COL16A1: variants seen among roughly 807,000 people sequenced by gnomAD.
COL16A1 encodes the protein collagen type XVI alpha 1 chain, also known as collagen alpha-1(XVI) chain.
In COL16A1, 189 loss-of-function variants were observed where a neutral mutation model predicts 266.3. The observed-to-expected ratio is 0.71, with a 90% confidence interval of 0.63 to 0.80. The LOEUF (loss-of-function observed/expected upper bound fraction) is 0.80, where lower values mean the gene tolerates loss of function less well. COL16A1 is among the 30% of genes least tolerant of loss of function. The probability of loss-of-function intolerance (pLI) is 0.00; values close to 1 mark genes in which losing one functional copy is unlikely to be tolerated. For synonymous variants in COL16A1, 740 were observed against 782.3 expected, an observed-to-expected ratio of 0.95 and a Z score of 0.90; for missense variants, 1,928 against 2,122.4, an observed-to-expected ratio of 0.91 and a Z score of 1.80.
Position 31,697,275 on chromosome 1 carries a change from T to G in COL16A1, c.683A>C (p.Tyr228Ser). The stretch of plus-strand genomic sequence containing the variant: ...CTCCAGCACGAGCTCCGGGTCACAG[T>G]AGATGTGCACCTGCTGAAGGTCAAA... ...VSFDLQQVHI[Y>S]CDPELVLEEG... is the part of the protein sequence containing the mutation. The change falls in exon 7 of 71, where the codon TAC becomes TCC. Residue 228 changes from tyrosine (Y) to serine (S), a missense_variant. This residue lies in a region of COL16A1 where 1,552 missense variants were observed against 1,637.2 expected (regional missense o/e 0.95). Coordinates refer to ENST00000373672, the MANE Select transcript of COL16A1 (RefSeq NM_001856.4). This position sits in a 1 kb window ranked among gnomAD's most constrained non-coding sequence, Gnocchi z 4.2. 1 of 1,611,698 alleles carries G rather than the reference T, an allele frequency of 6.2e-7. No homozygotes were observed. Among genetic ancestry groups the G allele is most frequent in the Non-Finnish European group, 8.5e-7 (1 of 1,178,942 alleles).
chr1:31,666,234 C>T (rs1208666091), intron 52 of COL16A1, 153 bp from the exon 53 acceptor site: 1 of 800,542 alleles, frequency 1.2e-6, no homozygotes, highest in Admixed American at 3.0e-5. Context: ...GCTCAGGCTT[C>T]CCTGCTCTTG....
At chr1:31,665,415 G>T (rs955046314) in intron 55 of COL16A1, 168 bp downstream of exon 55, 44 of 1,424,788 alleles carry the variant, frequency 3.1e-5, no homozygotes, top group Non-Finnish European at 4.1e-5. Context: ...AAGAGGCTGG[G>T]CTCTCCAGGT....
At chr1:31,680,376 C>T (rs1371615997) in intron 39 of COL16A1, among the ~76,000 whole-genome samples, 1 of 152,214 alleles carries the variant, frequency 6.6e-6, no homozygotes, top group East Asian at 1.9e-4. Context: ...GATTATTCAG[C>T]AAACGATGGT....
At position 31,664,814 on chromosome 1, in the gene COL16A1, G is replaced by T. The variant is rs1641987397; in HGVS notation, c.3555+358C>A. 6.6e-6 allele frequency among the ~76,000 whole-genome samples: 1 copy of T among 152,008 alleles called. No homozygotes were observed. Among genetic ancestry groups the T allele is most frequent in the South Asian group, 2.1e-4 (1 of 4,824 alleles). ...CTCTCAGCTCCTCGCTCATCCTCCC[G>T]CCCAGGAGACGAAGGTGGCCTGGGC... On this transcript the variant is annotated intron_variant, in intron 56 of 70. Coordinates refer to ENST00000373672, the MANE Select transcript of COL16A1 (RefSeq NM_001856.4). The surrounding 1 kb of genome is among the most constrained non-coding windows in gnomAD (Gnocchi z 5.5).
intron 37 of COL16A1, among the ~76,000 whole-genome samples, 155 bp downstream of exon 37, chr1:31,682,779 G>A (rs1643736306): frequency 6.6e-6 from 1 of 152,196 alleles, no homozygotes; most frequent in South Asian, 2.1e-4. Context: ...TCCCCTAAAA[G>A]AGTGAGGTTT....
chr1:31,690,357 T>C lies in COL16A1; in HGVS notation c.1509+10A>G. 5.6e-6 allele frequency: 9 copies of C among 1,613,782 alleles called. No individual in the cohort carries two copies. The highest frequency in any genetic ancestry group is 7.6e-6 in the Non-Finnish European group (9 of 1,180,002). ...CCACCCCGATCTGGGCAGCCAGGCC[T>C]AGGACTCACCTTCTCTCCCTTCACA... On this transcript the variant is annotated intron_variant, in intron 22 of 70. Coordinates refer to ENST00000373672, the MANE Select transcript of COL16A1 (RefSeq NM_001856.4).
chr1:31,658,526 G>C lies in COL16A1; in HGVS notation c.3982C>G (p.Pro1328Ala). The change falls in exon 64 of 71, where the codon CCA (proline) becomes GCA (alanine). Residue 1328 changes from proline to alanine, a missense_variant. Physicochemically the swap from Pro to Ala is conservative, Grantham distance 27. Coordinates refer to ENST00000373672, the MANE Select transcript of COL16A1 (RefSeq NM_001856.4). ...ATGERGLAGLPGQPGPPGHPG... is the reference protein window; with the variant it reads ...ATGERGLAGLAGQPGPPGHPG... The stretch of plus-strand genomic sequence containing the variant: ...TGTCCAGGGGGGCCGGGCTGGCCTG[G>C]GAGGCCTGCAAGGCCCCTTTCTCCG... The C allele has an allele frequency of 6.2e-7, 1 of 1,605,700 alleles. No homozygotes were observed. Among genetic ancestry groups the C allele is most frequent in the Non-Finnish European group, 8.5e-7 (1 of 1,176,994 alleles).
chr1:31,679,198 T>C, intron 42 of COL16A1: 1 of 518,022 alleles, frequency 1.9e-6, no homozygotes. Context: ...CTGTCTCTCT[T>C]ACTAGAATAT....
intron 43 of COL16A1, 83 bp downstream of exon 43, chr1:31,675,175 G>C: frequency 6.2e-7 from 1 of 1,612,074 alleles, no homozygotes; most frequent in Non-Finnish European, 8.5e-7. Context: ...CCCCACTGCA[G>C]CTACCGGGCC....
intron 26 of COL16A1, chr1:31,686,501 C>G: frequency 1.4e-6 from 1 of 690,444 alleles, no homozygotes; most frequent in South Asian, 1.6e-5. Context: ...GGAATCCAGC[C>G]CACCCTCAGC....
chr1:31,672,607 C>T lies in COL16A1; in HGVS notation c.3007G>A (p.Glu1003Lys), dbSNP rs200759473. Residue 1003 changes from glutamate to lysine, a missense_variant, in exon 46 of 71, where the codon GAG becomes AAG. By Grantham distance (56) the Glu-to-Lys change is moderately conservative. This residue lies in a region of COL16A1 where 1,552 missense variants were observed against 1,637.2 expected (regional missense o/e 0.95). Coordinates refer to ENST00000373672, the MANE Select transcript of COL16A1 (RefSeq NM_001856.4). ...GGCGAGGCACTCACCCGGGCCTCCT[C>T]GGCTCTTGGGCGCTCCAGTGACAAA... ...CFLSLERPRA[E>K]EARGDNSEGD... 2.8e-5 allele frequency: 45 copies of T among 1,606,082 alleles called. No individual in the cohort carries two copies. Among genetic ancestry groups the T allele is most frequent in the Admixed American group, 2.0e-4 (12 of 59,588 alleles).
chr1:31,683,312 T>A (rs1471428903), intron 35 of COL16A1, 22 bp downstream of exon 35: 1 of 1,614,064 alleles, frequency 6.2e-7, no homozygotes, highest in African/African-American at 1.3e-5. Context: ...GCTATCCTCC[T>A]TCAGGACTCA....
At chr1:31,660,553 A>G (rs1441499645) in intron 62 of COL16A1, 32 bp downstream of exon 62, 1 of 1,613,138 alleles carries the variant, frequency 6.2e-7, no homozygotes. Context: ...GCTAACTCTT[A>G]TGGAGACAGA....
intron 54 of COL16A1, 65 bp from the exon 55 acceptor site, chr1:31,665,683 G>T: frequency 6.3e-7 from 1 of 1,599,066 alleles, no homozygotes; most frequent in South Asian, 1.1e-5. Flanking sequence ...CTGCCCAGGT[G>T]GAAAGAGTGA....
chr1:31,689,992 C>T (rs763443993), intron 22 of COL16A1, 141 bp from the exon 23 acceptor site: 11 of 691,450 alleles, frequency 1.6e-5, no homozygotes, highest in East Asian at 2.7e-5. Context: ...GCAGGAATGC[C>T]GCTGGGGCTT....
Position 31,656,998 on chromosome 1 carries a change from C to G in COL16A1, c.4056+35G>C, listed in dbSNP as rs1397719010. 6.2e-7 allele frequency: 1 copy of G among 1,614,088 alleles called. No homozygotes were observed. The highest frequency in any genetic ancestry group is 2.2e-5 in the East Asian group (1 of 44,870). ...GGGCAAGGCGAGGAGCAAGAAGCAC[C>G]CCCAAGGAAACAGAGAAGACCAGTA... On this transcript the variant is annotated intron_variant, in intron 65 of 70. Coordinates refer to ENST00000373672, the MANE Select transcript of COL16A1 (RefSeq NM_001856.4). The surrounding 1 kb of genome is among the most constrained non-coding windows in gnomAD (Gnocchi z 4.2).
chr1:31,691,822 G>A (rs2148808657), intron 17 of COL16A1, among the ~76,000 whole-genome samples, 180 bp from the exon 18 acceptor site: 1 of 152,224 alleles, frequency 6.6e-6, no homozygotes, highest in South Asian at 2.1e-4. Context: ...GGGCTCTGAG[G>A]CTGGGAGTGA....
chr1:31,672,563 G>T (rs370857555), intron 46 of COL16A1, 33 bp downstream of exon 46: 1 of 1,612,156 alleles, frequency 6.2e-7, no homozygotes, highest in Non-Finnish European at 8.5e-7. Context: ...GGGGCATGGG[G>T]CATGATCGGG....
chr1:31,654,795 C>T lies in COL16A1; in HGVS notation c.4354G>A (p.Asp1452Asn), dbSNP rs1439519662. The change falls in exon 68 of 71, where the codon GAT becomes AAT. Residue 1452 changes from aspartate to asparagine, a missense_variant. Coordinates refer to ENST00000373672, the MANE Select transcript of COL16A1 (RefSeq NM_001856.4). ...FIRQEIIKMF[D>N]ERMAYYTSRM... ...CACCCAGCTGGCTGCCAGTTACCAT[C>T]AAACATTTTAATGATCTCTTGTCTG... 2 of 1,614,006 alleles carry T rather than the reference C, an allele frequency of 1.2e-6. No individual in the cohort carries two copies. The highest frequency in any genetic ancestry group is 4.5e-5 in the East Asian group (2 of 44,862).
Sources: gnomAD v4.1 joint callset for allele counts (sites outside exome capture counted in the v4.1 genomes callset) on GRCh38, gnomAD v4.1.1 for gene constraint, gnomAD v4.1.1 regional missense constraint, Gnocchi (gnomAD v3.1) non-coding constraint, MANE v1.5 for transcripts, NCBI Gene and HGNC (gene_info 2026-07-23, HGNC 2026-07-21) for gene names.